Variants in UGGT2 observed in about 807,000 individuals in gnomAD.
The protein encoded by UGGT2 is UDP-glucose glycoprotein glucosyltransferase 2, also known as UDP-glucose:glycoprotein glucosyltransferase 2.
In UGGT2, 180 loss-of-function variants were observed where a neutral mutation model predicts 192.1. The ratio of observed to expected loss-of-function variants is 0.94; its 90% CI spans 0.83 to 1.06. The LOEUF (loss-of-function observed/expected upper bound fraction) is 1.06. UGGT2 is among the 50% of genes least tolerant of loss of function. The pLI is 0.00. For missense variants in UGGT2, 1,849 were observed against 1,795.7 expected (o/e 1.03, Z -0.54); for synonymous variants, 580 against 591.0 (o/e 0.98, Z 0.27).
intron 24 of UGGT2, among the ~76,000 whole-genome samples, chr13:95,892,419 CA>C (rs1488603062): frequency 6.6e-6 from 1 of 151,772 alleles, no homozygotes; most frequent in African/African-American, 2.4e-5. Flanking sequence ...ACTCAATTGC[CA>C]AAAAACTATT....
intron 6 of UGGT2, among the ~76,000 whole-genome samples, chr13:95,998,586 T>C (rs1320762462): frequency 1.3e-5 from 2 of 151,890 alleles, no homozygotes; most frequent in East Asian, 1.9e-4. Flanking sequence ...ATAAATAAAT[T>C]TGACATGAAC....
At chr13:95,913,984 C>T (rs75789397) in intron 20 of UGGT2, among the ~76,000 whole-genome samples, 45,971 of 151,804 alleles carry the variant, frequency 0.3, 7,558 homozygotes, top group Admixed American at 0.37. Flanking sequence ...ACTATAAGGA[C>T]GGAAAACCAA....
intron 38 of UGGT2, among the ~76,000 whole-genome samples, chr13:95,814,436 G>T (rs1300807728): frequency 6.6e-6 from 1 of 152,228 alleles, no homozygotes; most frequent in Non-Finnish European, 1.5e-5. Flanking sequence ...GCCCTGCTGG[G>T]TTTTGGACCT....
chr13:95,875,092 T>C (rs1370326516), intron 29 of UGGT2, among the ~76,000 whole-genome samples: 1 of 152,194 alleles, frequency 6.6e-6, no homozygotes, highest in East Asian at 1.9e-4. Context: ...TGTTACTCCA[T>C]ATCCTCACCA....
chr13:95,902,107 A>G (rs1413239166), intron 21 of UGGT2, among the ~76,000 whole-genome samples: 1 of 152,192 alleles, frequency 6.6e-6, no homozygotes, highest in Non-Finnish European at 1.5e-5. Flanking sequence ...ACAGTAAAAT[A>G]CAGTTGGAGA....
chr13:95,891,187 A>G (rs1002975084), intron 24 of UGGT2, among the ~76,000 whole-genome samples: 14 of 152,270 alleles, frequency 9.2e-5, no homozygotes, highest in African/African-American at 3.4e-4. Context: ...GAATGAAATG[A>G]TTTTTTAAAA....
In UGGT2 at chr13:95,995,610, C is replaced by CA. The variant is rs961676012; in HGVS notation, c.830+452dup. On this transcript the variant is annotated intron_variant, in intron 7 of 38. Transcript: ENST00000376747. ...TCTGCAATACACACAAACTGGTACA[C>CA]AAAAAAAAAATTAAATGAAAAAGTA... 3.5e-4 allele frequency among the ~76,000 whole-genome samples: 50 copies of CA among 144,472 alleles called. 1 individual carries two copies. The East Asian group carries it at 7.0e-3, about 20-fold the overall frequency. 94.8% of individuals were successfully genotyped at this position (144,472 alleles called of 152,430 possible). A position where few individuals can be genotyped will look rare whatever the true frequency, so the allele number is the denominator to read the frequency against.
At chr13:95,973,317 G>C (rs1300545972) in intron 10 of UGGT2, among the ~76,000 whole-genome samples, 2 of 152,158 alleles carry the variant, frequency 1.3e-5, no homozygotes, top group African/African-American at 4.8e-5. Context: ...AGATAGATTA[G>C]AGATAAAATT....
intron 29 of UGGT2, among the ~76,000 whole-genome samples, chr13:95,868,659 C>T (rs541946827): frequency 3.3e-5 from 5 of 152,182 alleles, no homozygotes; most frequent in South Asian, 4.2e-4. Context: ...GAAACATTGT[C>T]AAATTTCTTA....
Position 95,830,434 on chromosome 13 carries a change from GA to G in UGGT2, c.4528+2492del, listed in dbSNP as rs1156421004. The stretch of plus-strand genomic sequence containing the variant: ...ACAATGAACTTAAACAAATTTACAA[GA>G]AAAAATCAAACAACCCCATCAAAAA... On this transcript the variant is annotated intron_variant, in intron 38 of 38. Coordinates refer to ENST00000376747, the MANE Select transcript of UGGT2 (RefSeq NM_020121.4). 2.0e-5 allele frequency among the ~76,000 whole-genome samples: 3 copies of G among 152,068 alleles called. No individual in the cohort carries two copies. The East Asian group carries it at 5.8e-4, about 29-fold the overall frequency.
At chr13:96,010,222 C>T (rs2052116974) in intron 5 of UGGT2, among the ~76,000 whole-genome samples, 1 of 152,132 alleles carries the variant, frequency 6.6e-6, no homozygotes, top group African/African-American at 2.4e-5. Context: ...AAAGCAAAAA[C>T]ATGGAAATCA....
intron 12 of UGGT2, among the ~76,000 whole-genome samples, chr13:95,959,156 C>T (rs1015209934): frequency 3.9e-5 from 6 of 152,234 alleles, no homozygotes; most frequent in African/African-American, 1.4e-4. Context: ...AGGGCCAAGG[C>T]AGAACCACTG....
intron 20 of UGGT2, among the ~76,000 whole-genome samples, chr13:95,914,612 TAAAAAAAA>T (rs146990164): frequency 5.6e-4 from 45 of 80,976 alleles, no homozygotes; most frequent in African/African-American, 2.0e-3. Flanking sequence ...CCATCTCTAC[TAAAAAAAA>T]AAAAAAAAAA....
chr13:95,891,611 A>G (rs2047802704), intron 24 of UGGT2, among the ~76,000 whole-genome samples: 1 of 152,180 alleles, frequency 6.6e-6, no homozygotes. Context: ...ATTTAATATA[A>G]TTAAAAGTTA....
chr13:95,904,299 T>C (rs1450359858), intron 20 of UGGT2, among the ~76,000 whole-genome samples: 3 of 152,140 alleles, frequency 2.0e-5, no homozygotes, highest in Non-Finnish European at 4.4e-5. Context: ...TATTATCTTT[T>C]TTTTATTATT....
chr13:95,913,038 T>C (rs2048554852), intron 20 of UGGT2, among the ~76,000 whole-genome samples: 1 of 152,176 alleles, frequency 6.6e-6, no homozygotes, highest in Non-Finnish European at 1.5e-5. Flanking sequence ...TAGCCATATG[T>C]AGAAAGCTGA....
intron 28 of UGGT2, 82 bp downstream of exon 28, chr13:95,877,616 A>C: frequency 6.8e-7 from 1 of 1,468,756 alleles, no homozygotes; most frequent in Non-Finnish European, 9.1e-7. Flanking sequence ...CAGCAGAATA[A>C]AGATTATTTC....
At chr13:95,813,867 ACT>A (rs1434485641) in intron 38 of UGGT2, among the ~76,000 whole-genome samples, 1 of 151,998 alleles carries the variant, frequency 6.6e-6, no homozygotes, top group East Asian at 1.9e-4. Flanking sequence ...CATTCTGACC[ACT>A]CTGGCTCCAG....
intron 20 of UGGT2, among the ~76,000 whole-genome samples, chr13:95,921,824 A>G (rs1017004123): frequency 1.3e-5 from 2 of 152,174 alleles, no homozygotes; most frequent in South Asian, 2.1e-4. Context: ...GCCTAAACAC[A>G]GTGGGAATGA....
Sources: allele counts gnomAD v4.1 joint callset (sites outside exome capture counted in the v4.1 genomes callset), GRCh38; gene constraint gnomAD v4.1.1; transcripts MANE v1.5; gene names NCBI Gene and HGNC (gene_info 2026-07-23, HGNC 2026-07-21).